BNC2: variants seen among roughly 807,000 people sequenced by gnomAD.
The protein encoded by BNC2 is zinc finger protein basonuclin-2.
BNC2 carries 20 observed loss-of-function variants against 76.3 expected under a neutral mutation model. That is an observed-to-expected ratio of 0.26 (90% CI 0.18 to 0.38). The LOEUF is 0.38. BNC2 is among the 10% of genes least tolerant of loss of function. The probability of loss-of-function intolerance (pLI) is 1.00; values close to 1 mark genes in which losing one functional copy is unlikely to be tolerated. For synonymous variants in BNC2, 582 were observed against 514.8 expected, an observed-to-expected ratio of 1.13 and a Z score of -1.77; for missense variants, 1,382 against 1,399.8, an observed-to-expected ratio of 0.99 and a Z score of 0.20.
At chr9:16,852,843 G>C (rs373434305) in intron 1 of BNC2, among the ~76,000 whole-genome samples, 39 of 152,240 alleles carry the variant, frequency 2.6e-4, no homozygotes, top group African/African-American at 8.9e-4. Context: ...CCCATGCAAA[G>C]GGCTGAGGTA....
intron 1 of BNC2, among the ~76,000 whole-genome samples, chr9:16,793,969 T>C (rs1817583044): frequency 6.6e-6 from 1 of 151,002 alleles, no homozygotes; most frequent in Non-Finnish European, 1.5e-5. Flanking sequence ...CCCAAAGTGC[T>C]GGGATTACAG....
intron 3 of BNC2, among the ~76,000 whole-genome samples, chr9:16,613,835 T>C (rs1007497781): frequency 6.6e-6 from 1 of 152,212 alleles, no homozygotes. Context: ...CATGGAAGAC[T>C]GCAAAATTTT....
intron 1 of BNC2, chr9:16,775,901 T>G (rs558740497): frequency 6.6e-6 from 1 of 152,542 alleles, no homozygotes; most frequent in African/African-American, 2.4e-5. Flanking sequence ...CAGCAATCAG[T>G]TCATTTTGAA....
intron 1 of BNC2, among the ~76,000 whole-genome samples, chr9:16,814,338 A>T (rs1203735486): frequency 6.6e-6 from 1 of 152,194 alleles, no homozygotes; most frequent in Non-Finnish European, 1.5e-5. Flanking sequence ...ATATGTCTTT[A>T]TTGGCATAGA....
chr9:16,465,131 G>C (rs1305043805), intron 5 of BNC2, among the ~76,000 whole-genome samples: 1 of 152,174 alleles, frequency 6.6e-6, no homozygotes, highest in Non-Finnish European at 1.5e-5. Flanking sequence ...ATTTACAGGA[G>C]TAAGATTGAA....
chr9:16,657,316 A>G (rs552473547), intron 3 of BNC2, among the ~76,000 whole-genome samples: 1 of 152,366 alleles, frequency 6.6e-6, no homozygotes, highest in South Asian at 2.1e-4. Flanking sequence ...TGGAACAATG[A>G]AGAGTTAGAA....
At chr9:16,446,746 A>T (rs966942452) in intron 5 of BNC2, among the ~76,000 whole-genome samples, 3 of 151,864 alleles carry the variant, frequency 2.0e-5, no homozygotes, top group Non-Finnish European at 4.4e-5. Context: ...TTCTTCAGTA[A>T]CAGTCTATAC....
chr9:16,857,489 A>T (rs1586940591), intron 1 of BNC2, among the ~76,000 whole-genome samples: 1 of 151,082 alleles, frequency 6.6e-6, no homozygotes. Flanking sequence ...ATAAAAAAAA[A>T]AAAAAAAAAA....
At chr9:16,527,396 C>T (rs969245903) in intron 5 of BNC2, among the ~76,000 whole-genome samples, 4 of 152,204 alleles carry the variant, frequency 2.6e-5, no homozygotes, top group Non-Finnish European at 4.4e-5. Flanking sequence ...CTGTCTACCC[C>T]TGTGGCACTG....
At chr9:16,451,823 T>G in intron 5 of BNC2, among the ~76,000 whole-genome samples, 1 of 152,180 alleles carries the variant, frequency 6.6e-6, no homozygotes. Flanking sequence ...TTATTTCAGG[T>G]TTATCGTCCT....
At position 16,761,900 on chromosome 9, in the gene BNC2, GA is replaced by G. The variant is rs1391808049; in HGVS notation, c.4-23416del. Among the ~76,000 whole-genome samples, 10 of 152,244 alleles carry G rather than the reference GA, an allele frequency of 6.6e-5. No individual in the cohort carries two copies. The South Asian group carries it at 1.0e-3, about 16-fold the overall frequency. ...GCTACCAAGTTACATGTAAATGGTG[GA>G]GCAGAGTAATCAGTCCACAAATAAG... On this transcript the variant is annotated intron_variant, in intron 1 of 6. Coordinates refer to ENST00000380672, the MANE Select transcript of BNC2 (RefSeq NM_017637.6).
chr9:16,499,227 C>T (rs1010338160), intron 5 of BNC2, among the ~76,000 whole-genome samples: 77 of 152,258 alleles, frequency 5.1e-4, no homozygotes, highest in African/African-American at 1.7e-3. Context: ...GTGGGTATTA[C>T]TATTCTCATT....
At chr9:16,806,876 A>G (rs909996397) in intron 1 of BNC2, among the ~76,000 whole-genome samples, 1 of 152,212 alleles carries the variant, frequency 6.6e-6, no homozygotes, top group Admixed American at 6.5e-5. Context: ...CTCTCTCCCC[A>G]GATTGCCAGC....
chr9:16,706,035 T>C (rs1315267665), intron 3 of BNC2, among the ~76,000 whole-genome samples: 2 of 152,344 alleles, frequency 1.3e-5, no homozygotes, highest in East Asian at 3.9e-4. Context: ...AGCAACTATT[T>C]TAAAAAGTAT....
chr9:16,633,244 T>G (rs973879954), intron 3 of BNC2, among the ~76,000 whole-genome samples: 1 of 151,862 alleles, frequency 6.6e-6, no homozygotes, highest in Non-Finnish European at 1.5e-5. Context: ...TGAAATACGA[T>G]GGCCCTGTAC....
intron 3 of BNC2, among the ~76,000 whole-genome samples, chr9:16,687,219 T>C (rs533025055): frequency 6.6e-6 from 1 of 151,858 alleles, no homozygotes; most frequent in Non-Finnish European, 1.5e-5. Flanking sequence ...TAAAAAAAAA[T>C]GTAATAACTA....
At chr9:16,640,389 T>C (rs1404959045) in intron 3 of BNC2, among the ~76,000 whole-genome samples, 1 of 152,198 alleles carries the variant, frequency 6.6e-6, no homozygotes, top group Non-Finnish European at 1.5e-5. Flanking sequence ...TCAGCTAATT[T>C]TGACACTTTT....
chr9:16,683,353 T>C (rs1822880538), intron 3 of BNC2, among the ~76,000 whole-genome samples: 1 of 152,202 alleles, frequency 6.6e-6, no homozygotes, highest in African/African-American at 2.4e-5. Flanking sequence ...TTCAGGGCTG[T>C]ATGTCTAAAC....
intron 5 of BNC2, among the ~76,000 whole-genome samples, chr9:16,538,084 T>G (rs2132317336): frequency 6.6e-6 from 1 of 152,226 alleles, no homozygotes; most frequent in Admixed American, 6.5e-5. Flanking sequence ...AATATGAACC[T>G]TAGCAATCAT....
Sources: allele counts gnomAD v4.1 joint callset (sites outside exome capture counted in the v4.1 genomes callset), GRCh38; gene constraint gnomAD v4.1.1; transcripts MANE v1.5; gene names NCBI Gene and HGNC (gene_info 2026-07-23, HGNC 2026-07-21).